FAM83A: variants seen among roughly 807,000 people sequenced by gnomAD.
FAM83A encodes the protein protein FAM83A.
Under a neutral mutation model 24.4 loss-of-function variants are expected in FAM83A, and 21 were observed. That is an observed-to-expected ratio of 0.86 (90% CI 0.61 to 1.24). The LOEUF (loss-of-function observed/expected upper bound fraction) is 1.24. FAM83A is among the 50% of genes most tolerant of loss of function. The pLI is 0.00. For synonymous variants in FAM83A, 270 were observed against 252.4 expected, an observed-to-expected ratio of 1.07 and a Z score of -0.66; for missense variants, 617 against 579.8, an observed-to-expected ratio of 1.06 and a Z score of -0.66.
At chr8:123,182,357 T>C (rs1823623541), upstream of FAM83A, 1 of 356,104 alleles carries the variant, frequency 2.8e-6, no homozygotes, top group Admixed American at 3.7e-5. Context: ...CACAGGGAAA[T>C]TCTTATCTTT....
At chr8:123,207,577 C>T in exon 4 of FAM83A, 1 of 1,574,486 alleles carries the variant, frequency 6.4e-7, no homozygotes, top group Non-Finnish European at 8.6e-7. Flanking sequence ...CCGCTGTCTA[C>T]AGCAACCTGG....
intron 3 of FAM83A, among the ~76,000 whole-genome samples, chr8:123,205,502 G>A (rs1428727762): frequency 6.6e-6 from 1 of 152,196 alleles, no homozygotes; most frequent in Non-Finnish European, 1.5e-5. Context: ...CTGTTCCCAG[G>A]ATTATCCGAG....
chr8:123,181,893 C>A, upstream of FAM83A: 1 of 366,628 alleles, frequency 2.7e-6, no homozygotes. Flanking sequence ...TCCAGCAGAG[C>A]CCACCCAAAG....
chr8:123,191,911 G>C, exon 2 of FAM83A: 2 of 1,614,178 alleles, frequency 1.2e-6, no homozygotes, highest in Non-Finnish European at 1.7e-6. Flanking sequence ...GGACCAGGGA[G>C]GTGTGAAGCT....
intron 1 of FAM83A, among the ~76,000 whole-genome samples, chr8:123,189,144 A>T (rs1329782583): frequency 1.3e-5 from 2 of 152,226 alleles, no homozygotes; most frequent in African/African-American, 4.8e-5. Flanking sequence ...TCAGTGCTAT[A>T]AGGCTAAATG....
At chr8:123,200,682 G>A (rs1462253979) in intron 3 of FAM83A, among the ~76,000 whole-genome samples, 1 of 152,100 alleles carries the variant, frequency 6.6e-6, no homozygotes, top group Non-Finnish European at 1.5e-5. Context: ...GGAGGGGCGC[G>A]ATGGCTCACA....
chr8:123,204,119 A>G, intron 3 of FAM83A, among the ~76,000 whole-genome samples: 1 of 152,128 alleles, frequency 6.6e-6, no homozygotes, highest in Non-Finnish European at 1.5e-5. Context: ...ACTATCCTCA[A>G]GATGCTACCT....
chr8:123,197,018 T>G (rs1824179371), intron 3 of FAM83A, among the ~76,000 whole-genome samples: 1 of 152,168 alleles, frequency 6.6e-6, no homozygotes, highest in East Asian at 1.9e-4. Flanking sequence ...CCATCACCCC[T>G]GGTCCAACCA....
chr8:123,196,566 A>T (rs1177727655), intron 3 of FAM83A, among the ~76,000 whole-genome samples: 1 of 151,680 alleles, frequency 6.6e-6, no homozygotes, highest in African/African-American at 2.4e-5. Flanking sequence ...TTTTAATGGG[A>T]CTCCTTCAGT....
intron 1 of FAM83A, 76 bp from the exon 2 acceptor site, chr8:123,191,727 C>T (rs989779458): frequency 1.3e-6 from 2 of 1,522,548 alleles, no homozygotes; most frequent in Admixed American, 1.7e-5. Flanking sequence ...CCCACTGGGA[C>T]TCAGGCAGTT....
exon 4 of FAM83A, chr8:123,208,127 C>T (rs1824627034): frequency 1.0e-6 from 1 of 999,008 alleles, no homozygotes; most frequent in Admixed American, 6.0e-5. Flanking sequence ...TGGTCCACTC[C>T]CAAGAAATTC....
At chr8:123,188,606 C>T (rs1419452708) in intron 1 of FAM83A, among the ~76,000 whole-genome samples, 1 of 152,068 alleles carries the variant, frequency 6.6e-6, no homozygotes, top group Non-Finnish European at 1.5e-5. Flanking sequence ...GCCCCAGCCT[C>T]CCAAGTAGCC....
At chr8:123,188,467 T>C (rs530779403) in intron 1 of FAM83A, among the ~76,000 whole-genome samples, 60 of 152,158 alleles carry the variant, frequency 3.9e-4, no homozygotes, top group African/African-American at 1.3e-3. Flanking sequence ...TTTTTCTTTT[T>C]TCGTTTCTTT....
exon 4 of FAM83A, chr8:123,207,433 C>T (rs770593976): frequency 1.2e-6 from 2 of 1,608,226 alleles, no homozygotes; most frequent in Non-Finnish European, 1.7e-6. Flanking sequence ...GAAGTGTGTC[C>T]GCGTCTTCAG....
At chr8:123,201,436 G>A (rs1306579564) in intron 3 of FAM83A, 1 of 152,222 alleles carries the variant, frequency 6.6e-6, no homozygotes, top group Non-Finnish European at 1.5e-5. Flanking sequence ...ATTCCTGAGA[G>A]CTGTGGAGGA....
At chr8:123,207,751 C>T (rs1049456883) in exon 4 of FAM83A, 288 of 1,413,464 alleles carry the variant, frequency 2.0e-4, no homozygotes, top group Admixed American at 3.1e-4. Context: ...ACCCAAAGAC[C>T]CACCTCAACG....
upstream of FAM83A, chr8:123,182,026 C>T (rs1392325925): frequency 4.4e-6 from 2 of 456,252 alleles, no homozygotes; most frequent in Non-Finnish European, 8.8e-6. Context: ...CTCACTCCAG[C>T]GCCAACACTG....
intron 3 of FAM83A, chr8:123,199,889 C>T (rs1285350179): frequency 1.3e-5 from 2 of 154,090 alleles, no homozygotes; most frequent in African/African-American, 4.8e-5. Flanking sequence ...AACATGCCTT[C>T]CCCCAGCCCT....
chr8:123,191,730 A>C, intron 1 of FAM83A, 73 bp from the exon 2 acceptor site: 1 of 1,530,028 alleles, frequency 6.5e-7, no homozygotes, highest in Non-Finnish European at 9.0e-7. Context: ...ACTGGGACTC[A>C]GGCAGTTTGG....
Sources: gnomAD v4.1 joint callset for allele counts (sites outside exome capture counted in the v4.1 genomes callset) on GRCh38, gnomAD v4.1.1 for gene constraint, MANE v1.5 for transcripts, NCBI Gene and HGNC (gene_info 2026-07-23, HGNC 2026-07-21) for gene names.